Variants in MGST1 observed in about 807,000 individuals in gnomAD.
MGST1 encodes the protein glutathione S-transferase 12.
In MGST1, 5 loss-of-function variants were observed where a neutral mutation model predicts 8.9. That is an observed-to-expected ratio of 0.56 (90% CI 0.29 to 1.19). MGST1 has a LOEUF of 1.19. Ranked by LOEUF, MGST1 falls within the 50% of genes most tolerant of loss-of-function variation. The pLI is 0.08. For synonymous variants in MGST1, 54 were observed against 67.8 expected (o/e 0.80, Z 1.00); for missense variants, 182 against 187.4 (o/e 0.97, Z 0.17).
intron 4 of MGST1, among the ~76,000 whole-genome samples, chr12:16,588,222 ATAAAG>A (rs1317157036): frequency 1.3e-5 from 2 of 152,108 alleles, no homozygotes; most frequent in South Asian, 2.1e-4. Context: ...AAAATGTATA[ATAAAG>A]TATTTACAAT....
intron 1 of MGST1, among the ~76,000 whole-genome samples, chr12:16,434,765 C>A (rs1940969489): frequency 6.6e-6 from 1 of 151,934 alleles, no homozygotes; most frequent in Admixed American, 6.6e-5. Flanking sequence ...TGCTTGACTT[C>A]TAAGAACTCT....
chr12:16,508,544 T>C (rs1941556173), intron 4 of MGST1, among the ~76,000 whole-genome samples: 1 of 152,208 alleles, frequency 6.6e-6, no homozygotes, highest in Non-Finnish European at 1.5e-5. Flanking sequence ...GTACTTACAC[T>C]TTACCAGGTT....
chr12:16,405,634 C>T (rs529068925), intron 1 of MGST1, among the ~76,000 whole-genome samples: 1 of 152,246 alleles, frequency 6.6e-6, no homozygotes, highest in East Asian at 1.9e-4. Context: ...ACGCCAATAT[C>T]CTTGATGAAC....
Position 16,576,077 on chromosome 12 carries a change from C to T in MGST1, n.483-13451C>T, listed in dbSNP as rs1394234327. ...TTTTGTCTCAGTAAGCTACTTCTAGCGCGCATCGCTTCTCCCTTGCACTCA... is the reference window on the plus strand; with the variant it reads ...TTTTGTCTCAGTAAGCTACTTCTAGTGCGCATCGCTTCTCCCTTGCACTCA... On this transcript the variant is annotated intron_variant and non_coding_transcript_variant, in intron 4 of 4. Coordinates refer to the MGST1 transcript ENST00000538857. This position sits in a 1 kb window ranked among gnomAD's most constrained non-coding sequence, Gnocchi z 4.1. 7.9e-5 allele frequency among the ~76,000 whole-genome samples: 12 copies of T among 152,174 alleles called. No individual in the cohort carries two copies. Among genetic ancestry groups the T allele is most frequent in the Admixed American group, 7.2e-4 (11 of 15,282 alleles).
intron 4 of MGST1, among the ~76,000 whole-genome samples, chr12:16,484,404 G>A (rs1433431907): frequency 1.3e-5 from 2 of 150,006 alleles, no homozygotes; most frequent in Non-Finnish European, 2.9e-5. Flanking sequence ...TCTGTTTTTT[G>A]TTTGTTTGTT....
In MGST1 at chr12:16,496,513, T is replaced by C. The variant is rs371631844; in HGVS notation, n.483-93015T>C. Among the ~76,000 whole-genome samples, 386 of 152,214 alleles carry C rather than the reference T, an allele frequency of 2.5e-3. 4 individuals carry two copies. The highest frequency in any genetic ancestry group is 9.1e-3 in the African/African-American group (377 of 41,528). On this transcript the variant is annotated intron_variant and non_coding_transcript_variant, in intron 4 of 4. Transcript: ENST00000538857. ...CTTTTATTTTAGATTCAGGGGTACTTTGTTACCTGAATCTTTGTATGTTGC... is the reference window on the plus strand; with the variant it reads ...CTTTTATTTTAGATTCAGGGGTACTCTGTTACCTGAATCTTTGTATGTTGC...
chr12:16,536,321 T>G (rs535287313), intron 4 of MGST1, among the ~76,000 whole-genome samples: 170 of 152,286 alleles, frequency 1.1e-3, no homozygotes, highest in Non-Finnish European at 1.1e-3. Context: ...TTCATGTGGT[T>G]CACTGTGTAT....
chr12:16,485,187 G>A (rs1435298096), intron 4 of MGST1, among the ~76,000 whole-genome samples: 1 of 152,094 alleles, frequency 6.6e-6, no homozygotes, highest in African/African-American at 2.4e-5. Context: ...TTCTTGCCTT[G>A]TACCTCTTTG....
intron 1 of MGST1, among the ~76,000 whole-genome samples, chr12:16,431,081 G>T (rs1204170661): frequency 2.6e-5 from 4 of 152,196 alleles, no homozygotes; most frequent in African/African-American, 9.7e-5. Flanking sequence ...TAAACCTCAT[G>T]AACTAGTTCT....
At chr12:16,561,520 T>A (rs1341527321) in intron 4 of MGST1, among the ~76,000 whole-genome samples, 1 of 152,182 alleles carries the variant, frequency 6.6e-6, no homozygotes, top group African/African-American at 2.4e-5. Context: ...TAAAAGCAGT[T>A]CTAAACTAAT....
intron 2 of MGST1, 89 bp from the exon 3 acceptor site, chr12:16,357,516 T>A (rs538993986): frequency 5.2e-6 from 5 of 961,612 alleles, no homozygotes. Flanking sequence ...CAATCCTGCC[T>A]CAGCCTCACA....
chr12:16,531,156 CAAAAAAAAA>C (rs5796677), intron 4 of MGST1, among the ~76,000 whole-genome samples: 18 of 46,546 alleles, frequency 3.9e-4, no homozygotes, highest in South Asian at 2.6e-3. Flanking sequence ...TACCCCTGAC[CAAAAAAAAA>C]AAAAAAAAAA....
intron 4 of MGST1, among the ~76,000 whole-genome samples, chr12:16,467,252 T>G (rs75355588): frequency 2.2e-3 from 328 of 152,290 alleles, no homozygotes; most frequent in African/African-American, 7.3e-3. Flanking sequence ...CAATTTATTA[T>G]ACAAAAATCA....
chr12:16,394,021 CTCTGGACTA>C (rs528582467), intron 1 of MGST1, among the ~76,000 whole-genome samples: 43 of 152,170 alleles, frequency 2.8e-4, no homozygotes, highest in Non-Finnish European at 5.4e-4. Flanking sequence ...AAAATCTATT[CTCTGGACTA>C]TATGGCCTAA....
Position 16,482,129 on chromosome 12 carries a change from C to T in MGST1, n.482+98525C>T, listed in dbSNP as rs1332998143. 2.0e-5 allele frequency among the ~76,000 whole-genome samples: 3 copies of T among 151,970 alleles called. No homozygotes were observed. Among genetic ancestry groups the T allele is most frequent in the Admixed American group, 6.5e-5 (1 of 15,272 alleles). On this transcript the variant is annotated intron_variant and non_coding_transcript_variant, in intron 4 of 4. Coordinates refer to the MGST1 transcript ENST00000538857. This position sits in a 1 kb window ranked among gnomAD's most constrained non-coding sequence, Gnocchi z 4.2. ...TATTCTAGCTAAATTTTACTTAAAA[C>T]GCTGAAGGAAAATAAAGATATTTTC...
chr12:16,372,345 T>G (rs912300826), intron 3 of MGST1, among the ~76,000 whole-genome samples: 11 of 151,990 alleles, frequency 7.2e-5, no homozygotes, highest in Non-Finnish European at 1.3e-4. Flanking sequence ...AAAAGTCAAG[T>G]AATCCACTTA....
chr12:16,409,445 C>CCTA (rs971878229), intron 1 of MGST1, among the ~76,000 whole-genome samples: 4 of 152,082 alleles, frequency 2.6e-5, no homozygotes, highest in African/African-American at 9.7e-5. Flanking sequence ...AAGGGCTAGA[C>CCTA]GTTCACCTGT....
chr12:16,375,477 T>A (rs1325794582), intron 3 of MGST1, among the ~76,000 whole-genome samples: 1 of 152,104 alleles, frequency 6.6e-6, no homozygotes, highest in Non-Finnish European at 1.5e-5. Flanking sequence ...GGTCTTAAAA[T>A]GTAACAATTT....
chr12:16,386,559 T>C (rs946737091), intron 1 of MGST1, among the ~76,000 whole-genome samples: 10 of 152,178 alleles, frequency 6.6e-5, no homozygotes, highest in African/African-American at 1.9e-4. Context: ...AAACAATCTG[T>C]CATGAAGAAT....
Sources: allele counts gnomAD v4.1 joint callset (sites outside exome capture counted in the v4.1 genomes callset), GRCh38; gene constraint gnomAD v4.1.1; non-coding constraint Gnocchi (gnomAD v3.1); transcripts MANE v1.5; gene names NCBI Gene and HGNC (gene_info 2026-07-23, HGNC 2026-07-21).